The following TFPI variants were observed in gnomAD, a reference collection of about 807,000 sequenced individuals.
TFPI encodes the protein anti-convertin.
Under a neutral mutation model 34.6 loss-of-function variants are expected in TFPI, and 15 were observed. The observed-to-expected ratio is 0.43, with a 90% CI of 0.29 to 0.67. TFPI has a LOEUF of 0.67. Ranked by LOEUF, TFPI falls within the 30% of genes least tolerant of loss-of-function variation. The pLI is 0.15. For synonymous variants in TFPI, 105 were observed against 120.1 expected (o/e 0.87, Z 0.82); for missense variants, 301 against 364.0 (o/e 0.83, Z 1.41).
intron 1 of TFPI, among the ~76,000 whole-genome samples, chr2:187,513,306 G>T (rs1686772947): frequency 6.6e-6 from 1 of 151,878 alleles, no homozygotes; most frequent in Non-Finnish European, 1.5e-5. Context: ...ACTATAAAAG[G>T]TTAAAAAGAG....
At chr2:187,501,915 A>G (rs574988961) in intron 2 of TFPI, among the ~76,000 whole-genome samples, 6 of 152,140 alleles carry the variant, frequency 3.9e-5, no homozygotes, top group Non-Finnish European at 8.8e-5. Flanking sequence ...TGCTTGTGAG[A>G]GAAGCAATAA....
chr2:187,473,701 CTATT>C (rs887943147), intron 6 of TFPI, among the ~76,000 whole-genome samples: 3 of 151,004 alleles, frequency 2.0e-5, no homozygotes, highest in African/African-American at 4.9e-5. Context: ...GTATGTATCT[CTATT>C]CATTAATCAG....
At chr2:187,537,951 A>C (rs923802718) in intron 1 of TFPI, among the ~76,000 whole-genome samples, 5 of 152,258 alleles carry the variant, frequency 3.3e-5, no homozygotes, top group Admixed American at 3.3e-4. Context: ...TCTCAAAAGA[A>C]GACATTTATG....
At chr2:187,504,360 G>A (rs1157007589) in intron 1 of TFPI, among the ~76,000 whole-genome samples, 2 of 151,940 alleles carry the variant, frequency 1.3e-5, no homozygotes, top group African/African-American at 2.4e-5. Context: ...CAAAACAGAG[G>A]ACAAAAGAAG....
intron 4 of TFPI, among the ~76,000 whole-genome samples, chr2:187,487,219 T>G (rs935427236): frequency 6.6e-6 from 1 of 151,514 alleles, no homozygotes; most frequent in Admixed American, 6.6e-5. Context: ...AAAAACTTCT[T>G]TATTATAAAT....
Position 187,551,313 on chromosome 2 carries a change from G to A in TFPI, c.-3+2887C>T, listed in dbSNP as rs180840920. 2.0e-3 allele frequency among the ~76,000 whole-genome samples: 309 copies of A among 152,184 alleles called. 2 individuals are homozygous for A. Among genetic ancestry groups the A allele is most frequent in the African/African-American group, 7.2e-3 (300 of 41,540 alleles). On this transcript the variant is annotated intron_variant, in intron 1 of 7. Coordinates refer to ENST00000233156, the MANE Select transcript of TFPI (RefSeq NM_006287.6). The stretch of plus-strand genomic sequence containing the variant: ...GTCCTTATATTCTTTTGTTTTTGAA[G>A]TAATTTTAACACCTGGTTGTTCCAA...
At chr2:187,471,011 G>A (rs571948613) in intron 6 of TFPI, among the ~76,000 whole-genome samples, 1 of 152,310 alleles carries the variant, frequency 6.6e-6, no homozygotes, top group African/African-American at 2.4e-5. Flanking sequence ...TCAACAGTGA[G>A]GTTCCTAACA....
Position 187,552,742 on chromosome 2 carries a change from T to C in TFPI, c.-3+1458A>G, listed in dbSNP as rs1459190409. 4.6e-5 allele frequency among the ~76,000 whole-genome samples: 7 copies of C among 152,050 alleles called. No individual in the cohort carries two copies. The East Asian group carries it at 1.3e-3, about 29-fold the overall frequency. ...CAAAACAAAAACTTGTCCAATTCAG[T>C]ATACCTAATAGAGATAGGAATCAAA... On this transcript the variant is annotated intron_variant, in intron 1 of 7. Transcript: ENST00000233156.
Position 187,503,399 on chromosome 2 carries a change from AAGAG to A in TFPI, c.121+245_121+248del, listed in dbSNP as rs562367223. 4.0e-4 allele frequency among the ~76,000 whole-genome samples: 61 copies of A among 151,818 alleles called. No homozygotes were observed. In the South Asian group the frequency reaches 0.012, roughly 30 times the overall value. ...TGTTTAATATTGTATGCTGAAAAAA[AAGAG>A]AGAAGTGTTTCAGCTAAAGTTACTT... On this transcript the variant is annotated intron_variant, in intron 2 of 7. Transcript: ENST00000233156.
At chr2:187,552,326 T>C (rs1689125433) in intron 1 of TFPI, among the ~76,000 whole-genome samples, 1 of 152,056 alleles carries the variant, frequency 6.6e-6, no homozygotes. Context: ...TTTTCTCCAT[T>C]AGTTTGCCAT....
chr2:187,524,804 A>G (rs1687594086), intron 1 of TFPI, among the ~76,000 whole-genome samples: 1 of 152,136 alleles, frequency 6.6e-6, no homozygotes, highest in South Asian at 2.1e-4. Context: ...AACAAATGAC[A>G]TAGATTTAAC....
intron 5 of TFPI, 142 bp downstream of exon 5, chr2:187,484,669 A>G: frequency 1.5e-6 from 1 of 667,676 alleles, no homozygotes; most frequent in South Asian, 2.8e-5. Flanking sequence ...AACTACAGTC[A>G]CAAATCTCAC....
chr2:187,551,015 G>A (rs1689076591), intron 1 of TFPI, among the ~76,000 whole-genome samples: 2 of 152,110 alleles, frequency 1.3e-5, no homozygotes, highest in Admixed American at 6.6e-5. Context: ...ACTTGAGGGT[G>A]TGGTATATTT....
At chr2:187,543,210 G>T (rs758852234) in intron 1 of TFPI, among the ~76,000 whole-genome samples, 5 of 152,052 alleles carry the variant, frequency 3.3e-5, no homozygotes, top group Admixed American at 6.5e-5. Flanking sequence ...ATGGCTATGT[G>T]CACGTTCATA....
Position 187,465,314 on chromosome 2 carries a change from AGGTAACGTGGT to A in TFPI, c.*1611_*1621del, listed in dbSNP as rs1312512372. 2 of 151,896 alleles carry A rather than the reference AGGTAACGTGGT, an allele frequency of 1.3e-5. No individual in the cohort carries two copies. Among genetic ancestry groups the A allele is most frequent in the Non-Finnish European group, 2.9e-5 (2 of 67,992 alleles). The allele number at this position is 151,896 out of a possible 1,614,324, so 9.4% of individuals were successfully genotyped here. ...GAGCCCAGGTGTTCAAGACAAGCCT[AGGTAACGTGGT>A]GAAACTCGTCTCTACAAAAATTACA... On this transcript the variant is annotated 3_prime_UTR_variant, in exon 8 of 8. Coordinates refer to ENST00000233156, the MANE Select transcript of TFPI (RefSeq NM_006287.6).
intron 6 of TFPI, among the ~76,000 whole-genome samples, chr2:187,476,073 C>T (rs1236295218): frequency 6.6e-6 from 1 of 152,140 alleles, no homozygotes; most frequent in Non-Finnish European, 1.5e-5. Context: ...AGAGCTTGAA[C>T]ATTTGAAAGT....
chr2:187,500,326 T>G (rs8176431), intron 2 of TFPI, among the ~76,000 whole-genome samples: 5,409 of 152,250 alleles, frequency 0.036, 288 homozygotes, highest in African/African-American at 0.11. Flanking sequence ...AAAATAGCTT[T>G]CAGAAATTAA....
At chr2:187,540,033 T>G (rs1299107151) in intron 1 of TFPI, among the ~76,000 whole-genome samples, 3 of 151,728 alleles carry the variant, frequency 2.0e-5, no homozygotes, top group Non-Finnish European at 4.4e-5. Flanking sequence ...AAGCTGGGAC[T>G]ACAGGCGCCC....
intron 1 of TFPI, among the ~76,000 whole-genome samples, chr2:187,533,279 C>A (rs541968503): frequency 4.6e-5 from 7 of 152,246 alleles, no homozygotes; most frequent in African/African-American, 1.7e-4. Flanking sequence ...GGAGACACCT[C>A]CCAGCAAAGG....
Sources: gnomAD v4.1 joint callset for allele counts (sites outside exome capture counted in the v4.1 genomes callset) on GRCh38, gnomAD v4.1.1 for gene constraint, MANE v1.5 for transcripts, NCBI Gene and HGNC (gene_info 2026-07-23, HGNC 2026-07-21) for gene names.